The following PRDM15 variants were observed in gnomAD, a reference collection of about 807,000 sequenced individuals.
PRDM15 encodes the protein PR domain zinc finger protein 15.
In PRDM15, 64 loss-of-function variants were observed where a neutral mutation model predicts 128.6. That is an observed-to-expected ratio of 0.50 (90% CI 0.41 to 0.61). The LOEUF (loss-of-function observed/expected upper bound fraction) is 0.61. Ranked by LOEUF, PRDM15 falls within the 20% of genes least tolerant of loss-of-function variation. The pLI, the probability that PRDM15 is intolerant of heterozygous loss-of-function variation, is 0.00. For synonymous variants in PRDM15, 615 were observed against 621.8 expected (o/e 0.99, Z 0.16); for missense variants, 1,242 against 1,569.1 (o/e 0.79, Z 3.52).
At chr21:41,804,725 C>T in intron 21 of PRDM15, 111 bp from the exon 22 acceptor site, 3 of 716,964 alleles carry the variant, frequency 4.2e-6, no homozygotes, top group South Asian at 3.8e-5. Flanking sequence ...CCCTTCCCTC[C>T]CAGGCATCCC....
chr21:41,862,100 A>G lies in PRDM15; in HGVS notation c.-9-1728T>C, dbSNP rs755971858. 1.7e-5 allele frequency: 15 copies of G among 883,512 alleles called. No individual in the cohort carries two copies. The highest frequency in any genetic ancestry group is 2.4e-5 in the Non-Finnish European group (13 of 540,514). 54.7% of individuals were successfully genotyped at this position (883,512 alleles called of 1,614,324 possible). ...GGAGATGAACAGGACAAAGGGCAGA[A>G]GAAACCCAGAGTGGGGTGGGGAGGG... On this transcript the variant is annotated intron_variant, in intron 1 of 23. Coordinates refer to ENST00000398548, the MANE Select transcript of PRDM15 (RefSeq NM_001040424.3). The surrounding 1 kb of genome is among the most constrained non-coding windows in gnomAD (Gnocchi z 4.1).
chr21:41,863,743 C>G (rs2063903593), intron 1 of PRDM15, among the ~76,000 whole-genome samples: 1 of 152,148 alleles, frequency 6.6e-6, no homozygotes, highest in Non-Finnish European at 1.5e-5. Flanking sequence ...ACTTAATTAT[C>G]AAGCTACCAT....
At chr21:41,843,685 C>A (rs2063142477) in intron 6 of PRDM15, among the ~76,000 whole-genome samples, 2 of 152,186 alleles carry the variant, frequency 1.3e-5, no homozygotes, top group Non-Finnish European at 2.9e-5. Flanking sequence ...TCAGAGACAG[C>A]ACAAGTTTGG....
chr21:41,802,806 T>TCGGGCACCGGAGCAC lies in PRDM15; in HGVS notation c.2834_2848dup (p.Gly945_Pro949dup). On this transcript the variant is annotated inframe_insertion, in exon 23 of 24. Coordinates refer to ENST00000398548, the MANE Select transcript of PRDM15 (RefSeq NM_001040424.3). ...TGAGTATTCGCTGAAGGTGGCGTCC[T>TCGGGCACCGGAGCAC]CGGGCACCGGAGCACCCGCCTCCTC... 1 of 1,614,214 alleles carries TCGGGCACCGGAGCAC rather than the reference T, an allele frequency of 6.2e-7. No homozygotes were observed. The highest frequency in any genetic ancestry group is 8.5e-7 in the Non-Finnish European group (1 of 1,180,028).
At chr21:41,820,811 G>A (rs1435101873) in intron 16 of PRDM15, among the ~76,000 whole-genome samples, 2 of 152,202 alleles carry the variant, frequency 1.3e-5, no homozygotes, top group Non-Finnish European at 1.5e-5. Context: ...TGTAGGCAGG[G>A]CAGGAACCCC....
Position 41,821,140 on chromosome 21 carries a change from A to T in PRDM15, c.1987T>A (p.Phe663Ile). 6.2e-7 allele frequency: 1 copy of T among 1,614,144 alleles called. No homozygotes were observed. The highest frequency in any genetic ancestry group is 8.5e-7 in the Non-Finnish European group (1 of 1,180,028). Residue 663 changes from phenylalanine to isoleucine, a missense_variant, in exon 16 of 24, where the codon TTT becomes ATT. By Grantham distance (21) the Phe-to-Ile change is conservative (BLOSUM62 0). Coordinates refer to ENST00000398548, the MANE Select transcript of PRDM15 (RefSeq NM_001040424.3). This position sits in a 1 kb window ranked among gnomAD's most constrained non-coding sequence, Gnocchi z 5.4. ...GCGTGGTAGGTGGCCTTCAGTGCAA[A>T]GCGCCGGTTGCAGATGCTGCAGCCA... is the stretch of plus-strand genomic sequence containing the variant. ...GYGCSICNRR[F>I]ALKATYHAHM...
rs139162933 is a variant in PRDM15, at chr21:41,822,032, G to T, written c.1767C>A (p.Ile589=). 4 of 1,613,854 alleles carry T rather than the reference G, an allele frequency of 2.5e-6. No individual in the cohort carries two copies. Among genetic ancestry groups the T allele is most frequent in the Non-Finnish European group, 2.5e-6 (3 of 1,180,050 alleles). ...RDHIHVHFKD[I]ALMDDHQREE... ...CCCTCTGGTGGTCATCCATCAACGC[G>T]ATGTCCTGGAAAACAGCCACCACTT... Residue 589 remains isoleucine (I), a synonymous_variant, in exon 15 of 24, where the codon ATC becomes ATA. Coordinates refer to ENST00000398548, the MANE Select transcript of PRDM15 (RefSeq NM_001040424.3).
At chr21:41,871,318 T>C (rs112266716) in intron 1 of PRDM15, among the ~76,000 whole-genome samples, 3,284 of 151,424 alleles carry the variant, frequency 0.022, 137 homozygotes, top group African/African-American at 0.075. Flanking sequence ...GGGGACTCTC[T>C]TTGGCCCTCC....
intron 5 of PRDM15, among the ~76,000 whole-genome samples, chr21:41,852,798 T>C (rs906177270): frequency 2.0e-5 from 3 of 152,104 alleles, no homozygotes; most frequent in Non-Finnish European, 4.4e-5. Context: ...GTGGGTTCAA[T>C]AGTGGCTCCC....
Position 41,837,920 on chromosome 21 carries a change from C to T in PRDM15, c.1001+14G>A. On this transcript the variant is annotated intron_variant, in intron 8 of 23. Coordinates refer to ENST00000398548, the MANE Select transcript of PRDM15 (RefSeq NM_001040424.3). ...CTGTCCACAGGACGGCCCCAGGTGC[C>T]AGGCAGGACTTACTTTGGAACCGAG... 1 of 1,614,094 alleles carries T rather than the reference C, an allele frequency of 6.2e-7. No homozygotes were observed.
intron 14 of PRDM15, among the ~76,000 whole-genome samples, chr21:41,822,371 T>C (rs904337789): frequency 2.0e-5 from 3 of 152,270 alleles, no homozygotes; most frequent in Non-Finnish European, 2.9e-5. Flanking sequence ...TTTTCAGTTC[T>C]TGATCAGCGC....
intron 8 of PRDM15, among the ~76,000 whole-genome samples, chr21:41,837,182 TACTC>T (rs1323738478): frequency 6.6e-6 from 1 of 152,182 alleles, no homozygotes; most frequent in African/African-American, 2.4e-5. Context: ...ACCACCAACT[TACTC>T]AACTCCATGG....
In PRDM15 at chr21:41,859,651, T is replaced by C; in HGVS notation, c.72A>G (p.Glu24=). ...CEDCSQYHDS[E]CPELGPVVMV... ...TGACCACTGGGCCCAGCTCGGGACA[T>C]TCGGAGTCGTGGTACTGGCTGCAGT... Residue 24 remains glutamate (E), a synonymous_variant, in exon 3 of 24, where the codon GAA becomes GAG. Coordinates refer to ENST00000398548, the MANE Select transcript of PRDM15 (RefSeq NM_001040424.3). This position sits in a 1 kb window ranked among gnomAD's most constrained non-coding sequence, Gnocchi z 5.3. 2 of 1,613,804 alleles carry C rather than the reference T, an allele frequency of 1.2e-6. No homozygotes were observed. Among genetic ancestry groups the C allele is most frequent in the Non-Finnish European group, 1.7e-6 (2 of 1,179,938 alleles).
rs1160046705 is a variant in PRDM15 at position 41,836,642 on chromosome 21, G to A, written c.1009C>T (p.His337Tyr). ...AGCGTGATGGTGTTATTCTGATGAT[G>A]GGTGAACCTGCCCAGGGACGTCAAT... Reference protein sequence around the residue: ...TDTSSVPKFTHHQNNTITLKR... With the variant: ...TDTSSVPKFTYHQNNTITLKR... The change falls in exon 9 of 24, where the codon CAT (histidine) becomes TAT (tyrosine). Residue 337 changes from histidine to tyrosine, a missense_variant. Physicochemically the swap from His to Tyr is moderately conservative, Grantham distance 83 (BLOSUM62 2). Around this residue, in one of 3 missense-constraint regions of PRDM15, gnomAD observed 612 missense variants for 717.0 expected, o/e 0.85. Coordinates refer to ENST00000398548, the MANE Select transcript of PRDM15 (RefSeq NM_001040424.3). 1 of 1,597,364 alleles carries A rather than the reference G, an allele frequency of 6.3e-7. No homozygotes were observed. The highest frequency in any genetic ancestry group is 1.3e-5 in the African/African-American group (1 of 74,542).
chr21:41,809,507 A>G (rs1262132085), intron 21 of PRDM15, among the ~76,000 whole-genome samples: 6 of 152,162 alleles, frequency 3.9e-5, no homozygotes, highest in Admixed American at 3.9e-4. Flanking sequence ...CTGGGATTAC[A>G]AGCATGAGCC....
chr21:41,855,406 A>G (rs2145852350), intron 4 of PRDM15, among the ~76,000 whole-genome samples: 1 of 152,300 alleles, frequency 6.6e-6, no homozygotes. Flanking sequence ...GTTCAAATCA[A>G]CCACATGACT....
At chr21:41,860,269 C>T (rs1031049345) in intron 2 of PRDM15, 58 bp downstream of exon 2, 176 of 1,392,332 alleles carry the variant, frequency 1.3e-4, no homozygotes, top group Non-Finnish European at 1.7e-4. Context: ...CCACGCCCAT[C>T]TGTGTTCTAT....
rs758765575 is a variant in PRDM15, at chr21:41,801,229, C to T, written c.*11G>A. The T allele has an allele frequency of 1.6e-5, 24 of 1,511,948 alleles. No homozygotes were observed. Among genetic ancestry groups the T allele is most frequent in the African/African-American group, 1.1e-4 (8 of 71,818 alleles). The allele number at this position is 1,511,948 out of a possible 1,614,324, so 93.7% of individuals were successfully genotyped here. A position where few individuals can be genotyped will look rare whatever the true frequency, so the allele number is the denominator to read the frequency against. ...TCTGCAGTTCTTGCCCCGAGTCTCC[C>T]GGAACGCAGCTCAGTAGCTGTACAT... On this transcript the variant is annotated 3_prime_UTR_variant, in exon 24 of 24. Transcript: ENST00000398548.
chr21:41,834,543 T>C (rs564170559), intron 11 of PRDM15: 1 of 1,549,936 alleles, frequency 6.5e-7, no homozygotes, highest in African/African-American at 1.4e-5. Context: ...GGGCCCCCCC[T>C]CTCCAGGGTG....
Sources: allele counts gnomAD v4.1 joint callset (sites outside exome capture counted in the v4.1 genomes callset), GRCh38; gene constraint gnomAD v4.1.1; regional missense constraint gnomAD v4.1.1; non-coding constraint Gnocchi (gnomAD v3.1); transcripts MANE v1.5; gene names NCBI Gene and HGNC (gene_info 2026-07-23, HGNC 2026-07-21).